The following ZNF704 variants were observed in gnomAD, a reference collection of about 807,000 sequenced individuals.
ZNF704 encodes the protein glucocorticoid induced gene 1.
Under a neutral mutation model 44.7 loss-of-function variants are expected in ZNF704, and 10 were observed. The ratio of observed to expected loss-of-function variants is 0.22; its 90% CI spans 0.14 to 0.38. The LOEUF (loss-of-function observed/expected upper bound fraction) is 0.38. Ranked by LOEUF, ZNF704 falls within the 10% of genes least tolerant of loss-of-function variation. The pLI, the probability that ZNF704 is intolerant of heterozygous loss-of-function variation, is 1.00. For missense variants in ZNF704, 390 were observed against 545.5 expected (o/e 0.71, Z 2.84); for synonymous variants, 211 against 207.6 (o/e 1.02, Z -0.14).
chr8:80,829,994 C>T (rs960512948), intron 1 of ZNF704, among the ~76,000 whole-genome samples: 1 of 152,174 alleles, frequency 6.6e-6, no homozygotes, highest in South Asian at 2.1e-4. Context: ...CTCATTATAT[C>T]ACTATGCTTT....
intron 2 of ZNF704, among the ~76,000 whole-genome samples, chr8:80,747,453 C>T (rs921239120): frequency 6.6e-6 from 1 of 152,158 alleles, no homozygotes; most frequent in African/African-American, 2.4e-5. Context: ...TTATATGCTA[C>T]ACAAACCTCT....
At chr8:80,707,305 T>C (rs764455390) in intron 2 of ZNF704, among the ~76,000 whole-genome samples, 5 of 152,222 alleles carry the variant, frequency 3.3e-5, no homozygotes, top group Admixed American at 2.0e-4. Context: ...TTTTAGGTCA[T>C]ACATTTAAAA....
In ZNF704 at chr8:80,659,608, G is replaced by C. The variant is rs757585483; in HGVS notation, c.1009C>G (p.Pro337Ala). ...SSFSISWQSP[P>A]VTFTGIPVSP... ...ACTGGGATGCCTGTGAAAGTGACCG[G>C]AGGAGATTGCCAGGAAATGCTGAAG... The change falls in exon 7 of 9, where the codon CCG (proline) becomes GCG (alanine). Residue 337 changes from proline (P) to alanine (A), a missense_variant. Pro to Ala is a conservative substitution (Grantham distance 27). Coordinates refer to ENST00000327835, the MANE Select transcript of ZNF704 (RefSeq NM_001033723.3). 14 of 1,613,946 alleles carry C rather than the reference G, an allele frequency of 8.7e-6. No individual in the cohort carries two copies. Among genetic ancestry groups the C allele is most frequent in the Non-Finnish European group, 1.2e-5 (14 of 1,179,894 alleles).
chr8:80,871,193 T>C (rs1809246762), intron 1 of ZNF704, among the ~76,000 whole-genome samples: 1 of 151,192 alleles, frequency 6.6e-6, no homozygotes, highest in Non-Finnish European at 1.5e-5. Flanking sequence ...AGCATGGATC[T>C]TTTGAAAACT....
intron 2 of ZNF704, among the ~76,000 whole-genome samples, chr8:80,784,776 T>G (rs1463968914): frequency 2.0e-5 from 3 of 152,202 alleles, no homozygotes; most frequent in African/African-American, 7.2e-5. Context: ...GCCTCTTTCA[T>G]GGAGTTTGTC....
the ZNF704 span, among the ~76,000 whole-genome samples, chr8:80,880,973 A>T: frequency 2.0e-5 from 3 of 152,380 alleles, no homozygotes; most frequent in South Asian, 6.2e-4. Flanking sequence ...TGAGAGTATG[A>T]GTATGCTGTT....
chr8:80,826,116 CA>C (rs896362062), intron 1 of ZNF704, among the ~76,000 whole-genome samples: 4 of 152,008 alleles, frequency 2.6e-5, no homozygotes, highest in African/African-American at 7.2e-5. Context: ...AAAAACCCTT[CA>C]AAAAAATCAA....
intron 2 of ZNF704, among the ~76,000 whole-genome samples, chr8:80,786,078 G>A (rs1295846454): frequency 3.3e-5 from 5 of 151,880 alleles, no homozygotes; most frequent in Admixed American, 2.0e-4. Context: ...TGGGCAACAC[G>A]GGGAAACTCT....
chr8:80,786,482 T>C (rs1807616047), intron 2 of ZNF704, among the ~76,000 whole-genome samples: 4 of 152,204 alleles, frequency 2.6e-5, no homozygotes, highest in Admixed American at 2.6e-4. Flanking sequence ...AAAAAGAAGA[T>C]ATTTAGAAAG....
In ZNF704 at chr8:80,670,731, C is replaced by G. The variant is rs1380980076; in HGVS notation, c.559-128G>C. 9.0e-6 allele frequency: 6 copies of G among 664,302 alleles called. No individual in the cohort carries two copies. In the Admixed American group the frequency reaches 1.1e-4, roughly 12 times the overall value. The allele number at this position is 664,302 out of a possible 1,614,324, so 41.2% of individuals were successfully genotyped here. ...CATCCCCAGCCTCTTGACTATAACT[C>G]AGCACACTATTGTAGGCATCCCTAG... On this transcript the variant is annotated intron_variant, in intron 4 of 8. Coordinates refer to ENST00000327835, the MANE Select transcript of ZNF704 (RefSeq NM_001033723.3).
intron 2 of ZNF704, among the ~76,000 whole-genome samples, chr8:80,789,780 C>T (rs1263528410): frequency 6.6e-6 from 1 of 151,772 alleles, no homozygotes; most frequent in Non-Finnish European, 1.5e-5. Flanking sequence ...CTAAAAATAA[C>T]ACATGATTCA....
chr8:80,686,510 T>C (rs1318394539), intron 4 of ZNF704, among the ~76,000 whole-genome samples: 1 of 152,092 alleles, frequency 6.6e-6, no homozygotes, highest in Non-Finnish European at 1.5e-5. Context: ...GCCTCCTGAG[T>C]AGATGAGACT....
At chr8:80,868,166 G>T (rs777482304) in intron 1 of ZNF704, among the ~76,000 whole-genome samples, 1 of 152,084 alleles carries the variant, frequency 6.6e-6, no homozygotes, top group Non-Finnish European at 1.5e-5. Context: ...TTCTTTTCTG[G>T]TTTTTTGGTA....
At chr8:80,859,575 G>C (rs1304800271) in intron 1 of ZNF704, among the ~76,000 whole-genome samples, 1 of 152,228 alleles carries the variant, frequency 6.6e-6, no homozygotes, top group African/African-American at 2.4e-5. Flanking sequence ...ACGTATGAAT[G>C]ATGCTGTTGT....
chr8:80,820,619 G>T (rs1303633980), intron 2 of ZNF704, among the ~76,000 whole-genome samples: 1 of 152,082 alleles, frequency 6.6e-6, no homozygotes, highest in African/African-American at 2.4e-5. Flanking sequence ...AAAAAGGCAG[G>T]CCAGGCACAG....
chr8:80,838,705 G>A (rs1426774267), intron 1 of ZNF704, among the ~76,000 whole-genome samples: 1 of 149,804 alleles, frequency 6.7e-6, no homozygotes, highest in Admixed American at 6.6e-5. Context: ...GCAGACACTG[G>A]AGGAGGAGGA....
chr8:80,648,404 G>C (rs1204077386), intron 7 of ZNF704, among the ~76,000 whole-genome samples: 1 of 152,094 alleles, frequency 6.6e-6, no homozygotes. Context: ...TTTTTCTTCA[G>C]ACTTTTAATG....
chr8:80,839,334 T>C (rs750243120), intron 1 of ZNF704, among the ~76,000 whole-genome samples: 1 of 152,236 alleles, frequency 6.6e-6, no homozygotes, highest in Non-Finnish European at 1.5e-5. Flanking sequence ...TTCCTTCAAA[T>C]ACATTTCATT....
intron 2 of ZNF704, among the ~76,000 whole-genome samples, chr8:80,787,064 T>G (rs2129731245): frequency 6.6e-6 from 1 of 152,318 alleles, no homozygotes; most frequent in African/African-American, 2.4e-5. Flanking sequence ...GTATACACTT[T>G]AATTGCTAAG....
Sources: allele counts gnomAD v4.1 joint callset (sites outside exome capture counted in the v4.1 genomes callset), GRCh38; gene constraint gnomAD v4.1.1; transcripts MANE v1.5; gene names NCBI Gene and HGNC (gene_info 2026-07-23, HGNC 2026-07-21).